RGS7: variants seen among roughly 807,000 people sequenced by gnomAD.
The protein encoded by RGS7 is regulator of G protein signaling 7, also known as regulator of G-protein signaling 7.
RGS7 carries 27 observed loss-of-function variants against 81.1 expected under a neutral mutation model. That is an observed-to-expected ratio of 0.33 (90% CI 0.25 to 0.46). RGS7 has a LOEUF of 0.46. Ranked by LOEUF, RGS7 falls within the 20% of genes least tolerant of loss-of-function variation. The probability of loss-of-function intolerance (pLI) is 1.00; values close to 1 mark genes in which losing one functional copy is unlikely to be tolerated. For missense variants in RGS7, 396 were observed against 607.4 expected (o/e 0.65, Z 3.66); for synonymous variants, 208 against 207.7 (o/e 1.00, Z -0.01).
chr1:241,099,004 T>C (rs1459407619), intron 2 of RGS7, among the ~76,000 whole-genome samples: 1 of 152,182 alleles, frequency 6.6e-6, no homozygotes, highest in African/African-American at 2.4e-5. Flanking sequence ...GCTTTGAATA[T>C]TGCCTTTCTC....
chr1:241,112,739 G>A (rs1009235104), intron 2 of RGS7, among the ~76,000 whole-genome samples: 2 of 152,158 alleles, frequency 1.3e-5, no homozygotes, highest in Non-Finnish European at 1.5e-5. Flanking sequence ...AACTGTAGAA[G>A]GGCAAAAGGA....
At chr1:241,301,310 T>C (rs1020556502) in intron 2 of RGS7, among the ~76,000 whole-genome samples, 4 of 152,240 alleles carry the variant, frequency 2.6e-5, no homozygotes, top group African/African-American at 7.2e-5. Flanking sequence ...TTTACACCCA[T>C]GCACCTTAAC....
intron 6 of RGS7, among the ~76,000 whole-genome samples, chr1:240,895,252 T>C (rs72756834): frequency 0.13 from 19,414 of 151,986 alleles, 1,356 homozygotes; most frequent in Middle Eastern, 0.18. Context: ...ATTAAACCTC[T>C]TTTTTCTTTC....
chr1:240,786,590 CCA>C (rs1468319293), intron 18 of RGS7, among the ~76,000 whole-genome samples: 1 of 152,120 alleles, frequency 6.6e-6, no homozygotes, highest in East Asian at 1.9e-4. Context: ...TATACAGTAA[CCA>C]TATATATGTA....
chr1:240,862,567 A>G (rs1662413203), intron 9 of RGS7, among the ~76,000 whole-genome samples: 1 of 152,050 alleles, frequency 6.6e-6, no homozygotes, highest in Non-Finnish European at 1.5e-5. Flanking sequence ...GTTTTTTTTT[A>G]TTGAAAGGTG....
At chr1:241,147,280 C>A (rs2068379271) in intron 2 of RGS7, among the ~76,000 whole-genome samples, 1 of 152,174 alleles carries the variant, frequency 6.6e-6, no homozygotes, top group South Asian at 2.1e-4. Context: ...GTCCCAAGTT[C>A]TTTTCCTCCC....
chr1:240,926,260 G>A (rs1367836780), intron 6 of RGS7, among the ~76,000 whole-genome samples: 1 of 152,080 alleles, frequency 6.6e-6, no homozygotes, highest in Admixed American at 6.6e-5. Flanking sequence ...TTCTTCTAGG[G>A]TTTTTATATT....
At chr1:241,266,095 C>T (rs2077580153) in intron 2 of RGS7, among the ~76,000 whole-genome samples, 1 of 151,970 alleles carries the variant, frequency 6.6e-6, no homozygotes. Context: ...CGCCTGGCCT[C>T]CCTGCTTTTT....
intron 2 of RGS7, among the ~76,000 whole-genome samples, chr1:241,117,864 T>C (rs1194427535): frequency 6.6e-6 from 1 of 152,170 alleles, no homozygotes; most frequent in African/African-American, 2.4e-5. Flanking sequence ...TAGCCGGTAA[T>C]GCAGAGAATC....
chr1:240,873,182 G>A (rs1218884581), intron 6 of RGS7, among the ~76,000 whole-genome samples: 1 of 152,110 alleles, frequency 6.6e-6, no homozygotes, highest in African/African-American at 2.4e-5. Context: ...TCTATATGGT[G>A]CTAGGTATAG....
chr1:241,325,844 G>GT (rs1347654062), intron 2 of RGS7, among the ~76,000 whole-genome samples: 4 of 152,196 alleles, frequency 2.6e-5, no homozygotes, highest in Non-Finnish European at 5.9e-5. Flanking sequence ...TAAAATATCT[G>GT]TAAGTCTCTT....
chr1:241,048,624 C>T (rs2061079251), intron 3 of RGS7, among the ~76,000 whole-genome samples: 1 of 152,184 alleles, frequency 6.6e-6, no homozygotes, highest in Admixed American at 6.5e-5. Context: ...GCGATGTTCT[C>T]ACCAACCAAT....
chr1:241,244,938 C>T (rs1269396418), intron 2 of RGS7, among the ~76,000 whole-genome samples: 1 of 132,170 alleles, frequency 7.6e-6, no homozygotes, highest in African/African-American at 3.0e-5. Context: ...AGGGGAACAT[C>T]ACACACCAGG....
In RGS7 at chr1:241,145,021, C is replaced by CT. The variant is rs570368254; in HGVS notation, c.79-46260dup. ...ACCTCAGCCTTGGGTGTCGATGAAACTTTTTTTTTTTTTGAGATGGAGTCT... is the reference window on the plus strand; with the variant it reads ...ACCTCAGCCTTGGGTGTCGATGAAACTTTTTTTTTTTTTTGAGATGGAGTCT... On this transcript the variant is annotated intron_variant, in intron 2 of 18. Transcript: ENST00000440928. Among the ~76,000 whole-genome samples the CT allele has an allele frequency of 2.6e-3, 359 of 139,736 alleles. 1 individual carries two copies. Among genetic ancestry groups the CT allele is most frequent in the East Asian group, 0.013 (61 of 4,812 alleles). The allele number at this position is 139,736 out of a possible 152,430, so 91.7% of individuals were successfully genotyped here. A position where few individuals can be genotyped will look rare whatever the true frequency, so the allele number is the denominator to read the frequency against.
At chr1:241,196,478 G>C (rs534200683) in intron 2 of RGS7, among the ~76,000 whole-genome samples, 2 of 151,982 alleles carry the variant, frequency 1.3e-5, no homozygotes, top group Non-Finnish European at 2.9e-5. Context: ...TATTTGACCA[G>C]CTAACAAGAG....
chr1:240,866,152 T>C (rs543594498), intron 9 of RGS7, among the ~76,000 whole-genome samples: 5 of 152,148 alleles, frequency 3.3e-5, no homozygotes, highest in East Asian at 1.9e-4. Flanking sequence ...GAAGGTAGGA[T>C]TGGTTTTAGG....
intron 2 of RGS7, among the ~76,000 whole-genome samples, chr1:241,294,248 C>T (rs1040350491): frequency 2.0e-5 from 3 of 151,654 alleles, no homozygotes; most frequent in African/African-American, 7.3e-5. Context: ...AATGAGAACA[C>T]ATGGACACAG....
At chr1:240,918,945 C>G (rs1673043407) in intron 6 of RGS7, among the ~76,000 whole-genome samples, 1 of 151,826 alleles carries the variant, frequency 6.6e-6, no homozygotes, top group African/African-American at 2.4e-5. Context: ...ATATTATGAA[C>G]AACTCAACCC....
chr1:241,149,561 G>A (rs955153085), intron 2 of RGS7, among the ~76,000 whole-genome samples: 13 of 152,280 alleles, frequency 8.5e-5, no homozygotes, highest in Middle Eastern at 3.4e-3. Flanking sequence ...TCCAGAGTAA[G>A]TTCTACACAT....
Sources: allele counts gnomAD v4.1 joint callset (sites outside exome capture counted in the v4.1 genomes callset), GRCh38; gene constraint gnomAD v4.1.1; transcripts MANE v1.5; gene names NCBI Gene and HGNC (gene_info 2026-07-23, HGNC 2026-07-21).